Variants in AGMO observed in about 807,000 individuals in gnomAD.
The protein encoded by AGMO is glyceryl-ether monooxygenase.
AGMO carries 75 observed loss-of-function variants against 60.2 expected under a neutral mutation model. The ratio of observed to expected loss-of-function variants is 1.25; its 90% CI spans 1.03 to 1.51. AGMO has a LOEUF of 1.51. AGMO is among the 40% of genes most tolerant of loss of function. The probability of loss-of-function intolerance (pLI) is 0.00; values close to 1 mark genes in which losing one functional copy is unlikely to be tolerated. For synonymous variants in AGMO, 261 were observed against 177.1 expected (o/e 1.47, Z -3.76); for missense variants, 763 against 525.5 (o/e 1.45, Z -4.42).
chr7:15,140,452 GT>G, the AGMO span, among the ~76,000 whole-genome samples: 1 of 152,054 alleles, frequency 6.6e-6, no homozygotes, highest in African/African-American at 2.4e-5. Flanking sequence ...AAATATAGTG[GT>G]AATCTCTTGA....
intron 3 of AGMO, among the ~76,000 whole-genome samples, chr7:15,506,830 A>G (rs1783523732): frequency 6.6e-6 from 1 of 151,906 alleles, no homozygotes; most frequent in Non-Finnish European, 1.5e-5. Flanking sequence ...AGAGACAGAG[A>G]GTCCCTAAAA....
chr7:15,124,915 T>C, the AGMO span, among the ~76,000 whole-genome samples: 18 of 151,976 alleles, frequency 1.2e-4, no homozygotes, highest in Non-Finnish European at 2.5e-4. Context: ...AACTAGAACA[T>C]AGTCTAATGG....
chr7:15,406,385 CAT>C (rs993705102), intron 5 of AGMO, among the ~76,000 whole-genome samples: 13 of 138,048 alleles, frequency 9.4e-5, no homozygotes, highest in Non-Finnish European at 1.5e-4. Context: ...TATGAATATA[CAT>C]ATATATGTAT....
At chr7:15,534,922 TTACA>T (rs1784453076) in intron 3 of AGMO, among the ~76,000 whole-genome samples, 1 of 151,972 alleles carries the variant, frequency 6.6e-6, no homozygotes, top group South Asian at 2.1e-4. Context: ...ATATAATACA[TTACA>T]TAAACAGGTC....
At chr7:15,333,569 T>C (rs1470304863) in intron 12 of AGMO, among the ~76,000 whole-genome samples, 1 of 150,214 alleles carries the variant, frequency 6.7e-6, no homozygotes, top group East Asian at 2.0e-4. Flanking sequence ...TTTGGATTAC[T>C]TGATACTCTC....
chr7:15,239,971 C>T (rs951494988), intron 12 of AGMO, among the ~76,000 whole-genome samples: 1 of 152,052 alleles, frequency 6.6e-6, no homozygotes, highest in African/African-American at 2.4e-5. Flanking sequence ...TTGCAAATAC[C>T]TTGTTGCTTT....
At chr7:15,545,011 T>C in intron 2 of AGMO, 88 bp from the exon 3 acceptor site, 1 of 918,018 alleles carries the variant, frequency 1.1e-6, no homozygotes, top group Non-Finnish European at 1.5e-6. Context: ...TTAAAATTAA[T>C]ATCTTCATAT....
the AGMO span, among the ~76,000 whole-genome samples, chr7:15,124,791 T>C: frequency 6.6e-6 from 1 of 152,076 alleles, no homozygotes; most frequent in Admixed American, 6.6e-5. Flanking sequence ...AGGATTCTTG[T>C]AACTGGATTC....
At chr7:15,467,914 C>T (rs922813531) in intron 3 of AGMO, among the ~76,000 whole-genome samples, 4 of 152,052 alleles carry the variant, frequency 2.6e-5, no homozygotes, top group African/African-American at 9.7e-5. Flanking sequence ...CTGTTTCACC[C>T]CTGGATCCCC....
At chr7:15,203,785 G>A (rs1379024698) in intron 12 of AGMO, among the ~76,000 whole-genome samples, 2 of 152,046 alleles carry the variant, frequency 1.3e-5, no homozygotes, top group Admixed American at 6.6e-5. Context: ...AAATATCAGA[G>A]CTAGAATAAA....
chr7:15,499,175 C>T (rs185476254), intron 3 of AGMO, among the ~76,000 whole-genome samples: 55 of 151,878 alleles, frequency 3.6e-4, no homozygotes, highest in African/African-American at 1.3e-3. Flanking sequence ...CTGTCTTTTC[C>T]GTCTAGAAGT....
intron 12 of AGMO, among the ~76,000 whole-genome samples, chr7:15,354,489 C>CGCGTGTGTATAT (rs1563105897): frequency 0.051 from 732 of 14,440 alleles, 68 homozygotes; most frequent in Non-Finnish European, 0.071. Context: ...TGTGTATATA[C>CGCGTGTGTATAT]ACACGTGTAT....
chr7:15,515,554 G>A (rs1487608382), intron 3 of AGMO, among the ~76,000 whole-genome samples: 1 of 152,202 alleles, frequency 6.6e-6, no homozygotes, highest in Non-Finnish European at 1.5e-5. Flanking sequence ...TGGTAACCAT[G>A]TGGAACATAA....
At chr7:15,280,721 C>CTCCTACTCCTAGGGGAAGGGGGAATG (rs1783938895) in intron 12 of AGMO, among the ~76,000 whole-genome samples, 1 of 152,138 alleles carries the variant, frequency 6.6e-6, no homozygotes, top group East Asian at 1.9e-4. Context: ...TAACCTACAC[C>CTCCTACTCCTAGGGGAAGGGGGAATG]CAGGAAGAAG....
rs778904926 is a variant in AGMO, at chr7:15,390,822, T to G, written c.742+18A>C. On this transcript the variant is annotated intron_variant, in intron 7 of 12. Coordinates refer to ENST00000342526, the MANE Select transcript of AGMO (RefSeq NM_001004320.2). Reference sequence around the variant, plus strand: ...AAGGAGCTGATTTAATTTTTTGATTTTAATACATTTTACTTACCAAAAATT... The same window carrying G: ...AAGGAGCTGATTTAATTTTTTGATTGTAATACATTTTACTTACCAAAAATT... The G allele has an allele frequency of 3.8e-6, 6 of 1,594,392 alleles. No individual in the cohort carries two copies. Among genetic ancestry groups the G allele is most frequent in the Non-Finnish European group, 5.2e-6 (6 of 1,164,218 alleles).
At chr7:15,483,362 T>A (rs1026434946) in intron 3 of AGMO, among the ~76,000 whole-genome samples, 5 of 152,160 alleles carry the variant, frequency 3.3e-5, no homozygotes, top group African/African-American at 1.2e-4. Flanking sequence ...GTCAGGAGAT[T>A]GAGACCATCC....
intron 12 of AGMO, among the ~76,000 whole-genome samples, chr7:15,364,141 T>C (rs1037993645): frequency 6.6e-6 from 1 of 151,934 alleles, no homozygotes; most frequent in Non-Finnish European, 1.5e-5. Flanking sequence ...ATAATGTGTA[T>C]ATATACCCCT....
intron 12 of AGMO, among the ~76,000 whole-genome samples, chr7:15,351,965 G>A (rs767755995): frequency 5.9e-5 from 9 of 152,242 alleles, no homozygotes; most frequent in East Asian, 3.9e-4. Context: ...AGCCCAGATA[G>A]CATTTACATT....
intron 3 of AGMO, among the ~76,000 whole-genome samples, chr7:15,524,209 ATTAT>A (rs1020655119): frequency 5.3e-5 from 8 of 152,054 alleles, no homozygotes; most frequent in Non-Finnish European, 1.0e-4. Flanking sequence ...TCAACATAAG[ATTAT>A]ATATACTTTT....
Sources: gnomAD v4.1 joint callset for allele counts (sites outside exome capture counted in the v4.1 genomes callset) on GRCh38, gnomAD v4.1.1 for gene constraint, MANE v1.5 for transcripts, NCBI Gene and HGNC (gene_info 2026-07-23, HGNC 2026-07-21) for gene names.